The following FN1 variants were observed in gnomAD, a reference collection of about 807,000 sequenced individuals.
The protein encoded by FN1 is fibronectin.
Under a neutral mutation model 297.3 loss-of-function variants are expected in FN1, and 106 were observed. The ratio of observed to expected loss-of-function variants is 0.36; its 90% CI spans 0.30 to 0.42. FN1 has a LOEUF of 0.42. Among genes scored for constraint, FN1 ranks in the 10% least tolerant of loss-of-function variants. FN1 has a pLI of 1.00. For synonymous variants in FN1, 1,149 were observed against 1,152.6 expected (o/e 1.00, Z 0.06); for missense variants, 2,690 against 3,124.9 (o/e 0.86, Z 3.32).
chr2:215,408,082 G>A (rs1456910568), intron 17 of FN1, 26 bp downstream of exon 17: 2 of 1,579,318 alleles, frequency 1.3e-6, no homozygotes, highest in African/African-American at 1.3e-5. Flanking sequence ...TAACATAGCA[G>A]CCAAAGAGGG....
intron 31 of FN1, 35 bp downstream of exon 31, chr2:215,383,293 C>T (rs187841164): frequency 5.6e-6 from 9 of 1,610,456 alleles, no homozygotes; most frequent in Admixed American, 1.7e-5. Context: ...TAGGAGTGAG[C>T]CACCGCACCT....
rs3213885 is a variant in FN1, at chr2:215,420,807, T to C, written c.1547-6A>G. 1,728 of 1,614,002 alleles carry C rather than the reference T, an allele frequency of 1.1e-3. 30 individuals carry two copies. The East Asian group carries it at 0.036, about 34-fold the overall frequency. On this transcript the variant is annotated splice_region_variant and splice_polypyrimidine_tract_variant and intron_variant, in intron 10 of 45. Transcript: ENST00000354785. ...GTCATCAACAATGCACTGATCTGTTTAGGAAACAGGTGGGTGAGTGAGAAA... is the reference window on the plus strand; with the variant it reads ...GTCATCAACAATGCACTGATCTGTTCAGGAAACAGGTGGGTGAGTGAGAAA...
At chr2:215,399,114 G>T in intron 21 of FN1, 143 bp downstream of exon 21, 1 of 710,506 alleles carries the variant, frequency 1.4e-6, no homozygotes, top group Non-Finnish European at 2.6e-6. Context: ...GTTAGGCCCT[G>T]ACAATGTAGT....
In FN1 at chr2:215,361,651, A is replaced by G. The variant is rs76784243; in HGVS notation, c.7363-25T>C. 8.8e-5 allele frequency: 138 copies of G among 1,560,750 alleles called. No individual in the cohort carries two copies. In the East Asian group the frequency reaches 2.4e-3, roughly 27 times the overall value. ...TCTGTTAAAAAGGAAGAAGGAAAAA[A>G]AAATTAGTGGCAAATACTGTAAAGT... On this transcript the variant is annotated intron_variant, in intron 45 of 45. Coordinates refer to ENST00000354785, the MANE Select transcript of FN1 (RefSeq NM_212482.4).
At chr2:215,368,063 T>C (rs1223255987) in intron 41 of FN1, 36 bp from the exon 42 acceptor site, 1 of 1,606,792 alleles carries the variant, frequency 6.2e-7, no homozygotes, top group African/African-American at 1.3e-5. Context: ...AAAAGAGACA[T>C]CTTATTAATC....
At chr2:215,383,907 G>T in intron 30 of FN1, 113 bp downstream of exon 30, 2 of 1,204,546 alleles carry the variant, frequency 1.7e-6, no homozygotes, top group Non-Finnish European at 2.4e-6. Flanking sequence ...GCAGGTTGTT[G>T]CTCATTAAAA....
intron 10 of FN1, chr2:215,421,115 G>GA: frequency 2.9e-6 from 1 of 343,840 alleles, no homozygotes. Context: ...CTTACTTTCT[G>GA]AAAATTTCTT....
At chr2:215,398,981 A>G (rs1233168185) in intron 21 of FN1, among the ~76,000 whole-genome samples, 1 of 152,244 alleles carries the variant, frequency 6.6e-6, no homozygotes, top group Non-Finnish European at 1.5e-5. Flanking sequence ...CCTGCAGGAA[A>G]GGATAGAGAA....
rs1171054612 is a variant in FN1, at chr2:215,379,267, G to A, written c.5485C>T (p.Leu1829=). The change falls in exon 34 of 46, where the codon CTG becomes TTG. Residue 1829 remains leucine (L), a synonymous_variant. Transcript: ENST00000354785. ...LKFTQVTPTS[L]SAQWTPPNVQ... is the part of the protein sequence containing the mutation. ...TTGGGTGGTGTCCACTGGGCGCTCA[G>A]GCTTGTGGGTGTGACCTGAGTGAAC... is the stretch of plus-strand genomic sequence containing the variant. 6.2e-7 allele frequency: 1 copy of A among 1,614,132 alleles called. No homozygotes were observed. The highest frequency in any genetic ancestry group is 8.5e-7 in the Non-Finnish European group (1 of 1,180,004).
At chr2:215,395,453 C>T (rs769154290) in intron 23 of FN1, among the ~76,000 whole-genome samples, 6 of 151,584 alleles carry the variant, frequency 4.0e-5, no homozygotes, top group Admixed American at 6.6e-5. Context: ...GCACGAGAAT[C>T]GCTTGAGCCC....
intron 2 of FN1, 30 bp from the exon 3 acceptor site, chr2:215,433,491 C>T (rs772544507): frequency 2.5e-6 from 4 of 1,607,038 alleles, no homozygotes; most frequent in Middle Eastern, 1.7e-4. Flanking sequence ...CCATGTGAGC[C>T]TCACTTAGGT....
intron 12 of FN1, among the ~76,000 whole-genome samples, chr2:215,415,668 T>C (rs1282894576): frequency 6.6e-6 from 1 of 152,156 alleles, no homozygotes; most frequent in East Asian, 1.9e-4. Context: ...CAGAAATGAC[T>C]TTATGAAGTG....
Position 215,404,283 on chromosome 2 carries a change from G to T in FN1, c.3253+106C>A, listed in dbSNP as rs1025381325. 21 of 1,176,664 alleles carry T rather than the reference G, an allele frequency of 1.8e-5. No individual in the cohort carries two copies. The African/African-American group carries it at 3.0e-4, about 17-fold the overall frequency. 72.9% of individuals were successfully genotyped at this position (1,176,664 alleles called of 1,614,324 possible). The stretch of plus-strand genomic sequence containing the variant: ...TTTTAGTATCACTGATTTAAATTAT[G>T]TACTAATTTTTTAATGTTTTTTTTG... On this transcript the variant is annotated intron_variant, in intron 20 of 45. Coordinates refer to ENST00000354785, the MANE Select transcript of FN1 (RefSeq NM_212482.4).
chr2:215,401,198 A>AAAGAAAGAAAGAAAGAAAGAAAG lies in FN1; in HGVS notation c.3254-1848_3254-1847insCTTTCTTTCTTTCTTTCTTTCTT, dbSNP rs1425522048. On this transcript the variant is annotated intron_variant, in intron 20 of 45. Coordinates refer to ENST00000354785, the MANE Select transcript of FN1 (RefSeq NM_212482.4). ...GAGAGAGAGTGAGAGAGAAAGAAAG[A>AAAGAAAGAAAGAAAGAAAGAAAG]AAAGAAAGAAAGAAAGAAAGAAAGA... Among the ~76,000 whole-genome samples the AAAGAAAGAAAGAAAGAAAGAAAG allele has an allele frequency of 4.6e-5, 4 of 86,780 alleles. 1 individual carries two copies. The highest frequency in any genetic ancestry group is 2.1e-4 in the African/African-American group (4 of 19,478). 56.9% of individuals were successfully genotyped at this position (86,780 alleles called of 152,430 possible).
rs377315833 is a variant in FN1 at position 215,370,540 on chromosome 2, C to CAAAAAAAAAAAA, written c.6715-109_6715-108insTTTTTTTTTTTT. 528 of 304,830 alleles carry CAAAAAAAAAAAA rather than the reference C, an allele frequency of 1.7e-3. 30 individuals are homozygous for CAAAAAAAAAAAA. In the African/African-American group the frequency reaches 0.018, roughly 10 times the overall value. 18.9% of individuals were successfully genotyped at this position (304,830 alleles called of 1,614,324 possible). A position where few individuals can be genotyped will look rare whatever the true frequency, so the allele number is the denominator to read the frequency against. ...ACTGTTTAAACAAAGCAAAGGAAGA[C>CAAAAAAAAAAAA]AAAAAACAAAAAACAAAAAAAAAAA... On this transcript the variant is annotated intron_variant, in intron 40 of 45. Coordinates refer to ENST00000354785, the MANE Select transcript of FN1 (RefSeq NM_212482.4).
intron 20 of FN1, among the ~76,000 whole-genome samples, chr2:215,401,731 T>C (rs2061194878): frequency 6.6e-6 from 1 of 152,204 alleles, no homozygotes; most frequent in Non-Finnish European, 1.5e-5. Flanking sequence ...CATGTGGGAA[T>C]TTAGAATCAA....
At chr2:215,392,239 A>C (rs2059791448) in intron 25 of FN1, 1 of 218,712 alleles carries the variant, frequency 4.6e-6, no homozygotes, top group Non-Finnish European at 9.2e-6. Flanking sequence ...CATGTGAGAT[A>C]TCTAGAGCTA....
chr2:215,384,802 G>T lies in FN1; in HGVS notation c.4729+58C>A, dbSNP rs754334030. ...TCTTTGTTCACTGTTGGGCTTTCAG[G>T]TTATCCACAACAGAATCTGATTTAA... On this transcript the variant is annotated intron_variant, in intron 29 of 45. Transcript: ENST00000354785. 8 of 1,196,394 alleles carry T rather than the reference G, an allele frequency of 6.7e-6. 1 individual carries two copies. In the Admixed American group the frequency reaches 1.0e-4, roughly 15 times the overall value. 74.1% of individuals were successfully genotyped at this position (1,196,394 alleles called of 1,614,324 possible).
At chr2:215,414,097 G>A (rs541143085) in intron 13 of FN1, among the ~76,000 whole-genome samples, 1 of 152,272 alleles carries the variant, frequency 6.6e-6, no homozygotes, top group Non-Finnish European at 1.5e-5. Flanking sequence ...CAATAGCTAT[G>A]ATTTAAAATG....
Sources: allele counts gnomAD v4.1 joint callset (sites outside exome capture counted in the v4.1 genomes callset), GRCh38; gene constraint gnomAD v4.1.1; transcripts MANE v1.5; gene names NCBI Gene and HGNC (gene_info 2026-07-23, HGNC 2026-07-21).